The following NREP variants were observed in gnomAD, a reference collection of about 807,000 sequenced individuals.
The protein encoded by NREP is neuronal regeneration related protein.
Under a neutral mutation model 8.6 loss-of-function variants are expected in NREP, and 5 were observed. That is an observed-to-expected ratio of 0.58 (90% CI 0.30 to 1.22). The LOEUF is 1.22. Among genes scored for constraint, NREP ranks in the 50% most tolerant of loss-of-function variants. The pLI is 0.07. For missense variants in NREP, 86 were observed against 82.5 expected (o/e 1.04, Z -0.17); for synonymous variants, 27 against 28.0 (o/e 0.96, Z 0.11).
At chr5:111,749,216 A>G (rs1402731569) in intron 2 of NREP, among the ~76,000 whole-genome samples, 1 of 152,154 alleles carries the variant, frequency 6.6e-6, no homozygotes. Context: ...TAAACATAGC[A>G]GGTGAAAAAA....
At chr5:111,946,940 A>T (rs1756004204) in intron 2 of NREP, among the ~76,000 whole-genome samples, 3 of 152,028 alleles carry the variant, frequency 2.0e-5, no homozygotes, top group Admixed American at 1.3e-4. Flanking sequence ...AATTCCTATA[A>T]ATAATAAAAA....
intron 2 of NREP, among the ~76,000 whole-genome samples, chr5:111,811,267 T>G (rs919261133): frequency 1.3e-5 from 2 of 152,198 alleles, no homozygotes; most frequent in Non-Finnish European, 2.9e-5. Context: ...TTGCCCCTTC[T>G]ATTACTGGAA....
chr5:111,820,915 G>T (rs1290362233), intron 2 of NREP, among the ~76,000 whole-genome samples: 5 of 152,146 alleles, frequency 3.3e-5, no homozygotes, highest in African/African-American at 9.7e-5. Context: ...ACAGAGATGA[G>T]AAGTAATTTA....
chr5:111,839,210 C>T (rs945830571), intron 2 of NREP, among the ~76,000 whole-genome samples: 1 of 152,034 alleles, frequency 6.6e-6, no homozygotes, highest in East Asian at 1.9e-4. Flanking sequence ...TAAAATTTTA[C>T]TGCAGGATAA....
At chr5:111,814,795 TTGA>T (rs1371207507) in intron 2 of NREP, among the ~76,000 whole-genome samples, 11 of 151,232 alleles carry the variant, frequency 7.3e-5, no homozygotes, top group African/African-American at 2.4e-4. Context: ...GCTCTAGGAG[TTGA>T]TGAGAAGAAA....
At chr5:111,887,702 G>A (rs1206492444) in intron 2 of NREP, among the ~76,000 whole-genome samples, 1 of 152,198 alleles carries the variant, frequency 6.6e-6, no homozygotes, top group South Asian at 2.1e-4. Context: ...ACATCCAAAT[G>A]AAGATATCCC....
chr5:111,744,056 G>C (rs1262927254), intron 2 of NREP, among the ~76,000 whole-genome samples: 1 of 152,132 alleles, frequency 6.6e-6, no homozygotes, highest in East Asian at 1.9e-4. Context: ...GAGATAGTTA[G>C]TTGCTTTGAA....
chr5:111,970,552 G>C (rs961964076), intron 2 of NREP, among the ~76,000 whole-genome samples: 8 of 152,058 alleles, frequency 5.3e-5, no homozygotes, highest in Non-Finnish European at 1.0e-4. Context: ...TGGGTCGGGC[G>C]TGGTGGCTTA....
intron 2 of NREP, chr5:111,912,810 A>C (rs748837131): frequency 1.3e-5 from 2 of 152,134 alleles, no homozygotes; most frequent in Non-Finnish European, 2.9e-5. Context: ...TGAATAAGTT[A>C]ATCAATAAAT....
In NREP at chr5:111,886,536, G is replaced by A. The variant is rs577739188; in HGVS notation, c.135+88738C>T. On this transcript the variant is annotated intron_variant, in intron 2 of 3. Transcript: ENST00000395634. ...ACACATGCACACGTATGTTTATTGCGGCATTATTCACAATAGCAAAGACTT... is the reference window on the plus strand; with the variant it reads ...ACACATGCACACGTATGTTTATTGCAGCATTATTCACAATAGCAAAGACTT... 3.7e-3 allele frequency among the ~76,000 whole-genome samples: 565 copies of A among 151,294 alleles called. 4 individuals carry two copies. Among genetic ancestry groups the A allele is most frequent in the African/African-American group, 0.013 (531 of 41,136 alleles).
At chr5:111,741,181 G>C (rs1749623761) in intron 2 of NREP, among the ~76,000 whole-genome samples, 1 of 152,096 alleles carries the variant, frequency 6.6e-6, no homozygotes, top group African/African-American at 2.4e-5. Context: ...CCTGCAATTA[G>C]GAAAGCCGAC....
chr5:111,964,434 C>T (rs1015709249), intron 2 of NREP, among the ~76,000 whole-genome samples: 1 of 152,150 alleles, frequency 6.6e-6, no homozygotes, highest in Admixed American at 6.5e-5. Flanking sequence ...GTGGCACCAT[C>T]TGGGCTCACT....
intron 2 of NREP, among the ~76,000 whole-genome samples, chr5:111,940,808 A>C (rs1755808767): frequency 6.6e-6 from 1 of 152,016 alleles, no homozygotes; most frequent in African/African-American, 2.4e-5. Context: ...TCATGCCCCA[A>C]AATTCACTAG....
rs79406177 is a variant in NREP at position 111,842,642 on chromosome 5, T to A, written c.136-107135A>T. On this transcript the variant is annotated intron_variant, in intron 2 of 3. Coordinates refer to the NREP transcript ENST00000395634. ...ATACTATCATTACAATATTAGAGTGTTTTAAATTTGACTATATTTTTACAT... is the reference window on the plus strand; with the variant it reads ...ATACTATCATTACAATATTAGAGTGATTTAAATTTGACTATATTTTTACAT... 0.02 allele frequency among the ~76,000 whole-genome samples: 3,051 copies of A among 152,274 alleles called. 194 individuals carry two copies. In the East Asian group the frequency reaches 0.24, roughly 12 times the overall value.
chr5:111,931,598 G>A (rs1755538585), intron 2 of NREP, among the ~76,000 whole-genome samples: 1 of 152,146 alleles, frequency 6.6e-6, no homozygotes, highest in African/African-American at 2.4e-5. Flanking sequence ...TTTCTGACTT[G>A]TAGGAACTGT....
At chr5:111,853,289 C>G (rs895113632) in intron 2 of NREP, among the ~76,000 whole-genome samples, 3 of 151,974 alleles carry the variant, frequency 2.0e-5, no homozygotes, top group Admixed American at 1.3e-4. Flanking sequence ...GGCAGTGAAA[C>G]TATTCTTTAT....
chr5:111,838,126 A>G (rs1037914605), intron 2 of NREP, among the ~76,000 whole-genome samples: 1 of 152,276 alleles, frequency 6.6e-6, no homozygotes, highest in East Asian at 1.9e-4. Flanking sequence ...CAAAATTAAT[A>G]TCAGTAATTA....
At chr5:111,785,386 C>T (rs1051760950) in intron 2 of NREP, among the ~76,000 whole-genome samples, 2 of 152,136 alleles carry the variant, frequency 1.3e-5, no homozygotes, top group African/African-American at 4.8e-5. Context: ...TCAAGCAATT[C>T]TCCTGCCTCA....
chr5:111,876,000 G>C (rs1753899052), intron 2 of NREP, among the ~76,000 whole-genome samples: 1 of 152,178 alleles, frequency 6.6e-6, no homozygotes, highest in South Asian at 2.1e-4. Flanking sequence ...ACAAATAACT[G>C]GTTAGGGCCA....
Sources: allele counts gnomAD v4.1 joint callset (sites outside exome capture counted in the v4.1 genomes callset), GRCh38; gene constraint gnomAD v4.1.1; transcripts MANE v1.5; gene names NCBI Gene and HGNC (gene_info 2026-07-23, HGNC 2026-07-21).